The following ALPK3 variants were observed in gnomAD, a reference collection of about 807,000 sequenced individuals.
ALPK3 encodes the protein alpha kinase 3.
Under a neutral mutation model 140.0 loss-of-function variants are expected in ALPK3, and 102 were observed. That is an observed-to-expected ratio of 0.73 (90% CI 0.62 to 0.86). The LOEUF is 0.86. Ranked by LOEUF, ALPK3 falls within the 40% of genes least tolerant of loss-of-function variation. The pLI is 0.00. For synonymous variants in ALPK3, 938 were observed against 898.5 expected (o/e 1.04, Z -0.79); for missense variants, 2,254 against 2,208.2 (o/e 1.02, Z -0.42).
At chr15:84,847,642 AAAAG>A (rs1963747682) in intron 5 of ALPK3, among the ~76,000 whole-genome samples, 1 of 152,220 alleles carries the variant, frequency 6.6e-6, no homozygotes, top group South Asian at 2.1e-4. Flanking sequence ...AATGCTAAAA[AAAAG>A]AACTTTCAAC....
At chr15:84,851,859 T>C (rs1321863395) in intron 5 of ALPK3, among the ~76,000 whole-genome samples, 1 of 152,208 alleles carries the variant, frequency 6.6e-6, no homozygotes, top group Non-Finnish European at 1.5e-5. Flanking sequence ...AAAGTATACC[T>C]GTACGATTAA....
In ALPK3 at chr15:84,860,056, C is replaced by T; in HGVS notation, c.4113C>T (p.Ser1371=). 6.2e-7 allele frequency: 1 copy of T among 1,614,132 alleles called. No individual in the cohort carries two copies. The highest frequency in any genetic ancestry group is 1.1e-5 in the South Asian group (1 of 91,078). Residue 1371 remains serine (S), a synonymous_variant, in exon 9 of 14, where the codon TCC becomes TCT. Coordinates refer to ENST00000258888, the MANE Select transcript of ALPK3 (RefSeq NM_020778.5). The stretch of plus-strand genomic sequence containing the variant: ...ATCTAGTGTTGTCAGGATTCATCTC[C>T]AGAGAAGAAGGTGAAGGTATGGTTC... The part of the protein sequence containing the change: ...LSPEVLSGFI[S]REEGEVGEEI...
chr15:84,866,275 A>G (rs1213802544), intron 12 of ALPK3, among the ~76,000 whole-genome samples: 1 of 152,246 alleles, frequency 6.6e-6, no homozygotes, highest in Non-Finnish European at 1.5e-5. Context: ...CATTAGTCCT[A>G]TGTTTCAGAC....
chr15:84,838,268 TG>T (rs1963617247), intron 3 of ALPK3, among the ~76,000 whole-genome samples: 1 of 152,070 alleles, frequency 6.6e-6, no homozygotes, highest in Admixed American at 6.5e-5. Context: ...ATGATCATGG[TG>T]GGACATAAGG....
intron 3 of ALPK3, among the ~76,000 whole-genome samples, chr15:84,833,807 C>A (rs1334893790): frequency 1.3e-5 from 2 of 152,158 alleles, no homozygotes; most frequent in Admixed American, 6.5e-5. Context: ...TCACAGTAGG[C>A]TTGTGGGAAG....
intron 12 of ALPK3, 112 bp downstream of exon 12, chr15:84,864,777 T>C: frequency 2.6e-6 from 3 of 1,171,948 alleles, no homozygotes; most frequent in Non-Finnish European, 3.6e-6. Flanking sequence ...TTGTCTTTAT[T>C]CTTTTTTGCT....
At chr15:84,828,684 A>C (rs1963514580) in intron 3 of ALPK3, among the ~76,000 whole-genome samples, 1 of 152,214 alleles carries the variant, frequency 6.6e-6, no homozygotes, top group South Asian at 2.1e-4. Context: ...TGTGCATCCC[A>C]TACCTTTGTA....
intron 4 of ALPK3, 111 bp from the exon 5 acceptor site, chr15:84,839,591 T>C: frequency 8.3e-7 from 1 of 1,203,160 alleles, no homozygotes; most frequent in Non-Finnish European, 1.2e-6. Flanking sequence ...ACGGCAGGGC[T>C]TGCTGTAGGG....
At position 84,859,809 on chromosome 15, in the gene ALPK3, C is replaced by T. The variant is rs375271863; in HGVS notation, c.3999C>T (p.Ile1333=). 48 of 1,613,596 alleles carry T rather than the reference C, an allele frequency of 3.0e-5. No individual in the cohort carries two copies. In the South Asian group the frequency reaches 3.6e-4, roughly 12 times the overall value. ...ATGAGGGGCCGGCGGCCTTGGCCAT[C>T]GTGCAGGCCTCCCCCGTAGACTGCG... The part of the protein sequence containing the change: ...AGDEGPAALA[I]VQASPVDCGV... Residue 1333 remains isoleucine (I), a synonymous_variant, in exon 8 of 14, where the codon ATC becomes ATT. Coordinates refer to ENST00000258888, the MANE Select transcript of ALPK3 (RefSeq NM_020778.5).
intron 1 of ALPK3, among the ~76,000 whole-genome samples, chr15:84,821,720 T>G (rs1226349244): frequency 1.3e-5 from 2 of 152,066 alleles, no homozygotes; most frequent in Admixed American, 6.5e-5. Context: ...TTTCCTCCTC[T>G]TTCTTTTTCT....
At position 84,856,750 on chromosome 15, in the gene ALPK3, T is replaced by A; in HGVS notation, c.2012T>A (p.Leu671Gln). 1.2e-6 allele frequency: 2 copies of A among 1,613,580 alleles called. No individual in the cohort carries two copies. Among genetic ancestry groups the A allele is most frequent in the Non-Finnish European group, 1.7e-6 (2 of 1,179,938 alleles). The change falls in exon 6 of 14, where the codon CTA becomes CAA. Residue 671 changes from leucine (L) to glutamine (Q), a missense_variant. Leu to Gln is a moderately radical substitution (Grantham distance 113). Coordinates refer to ENST00000258888, the MANE Select transcript of ALPK3 (RefSeq NM_020778.5). ...ACACAGGGAAGGGCAGAGACACAGC[T>A]AGAAACAACACAGGCAGGTGAGAAG... ...MMTQGRAETQ[L>Q]ETTQAGEKIQ... is the part of the protein sequence containing the mutation.
chr15:84,823,782 C>T (rs1406363673), intron 2 of ALPK3, among the ~76,000 whole-genome samples: 3 of 152,190 alleles, frequency 2.0e-5, no homozygotes, highest in South Asian at 2.1e-4. Flanking sequence ...AGTGCAATGG[C>T]TCCCTGTAGC....
chr15:84,860,129 G>A (rs570826793), intron 9 of ALPK3, 57 bp downstream of exon 9: 1 of 1,594,322 alleles, frequency 6.3e-7, no homozygotes, highest in East Asian at 2.2e-5. Flanking sequence ...CTGCAGGGAG[G>A]ACCCTCTTTA....
chr15:84,859,456 T>C, intron 7 of ALPK3, 66 bp downstream of exon 7: 1 of 1,582,238 alleles, frequency 6.3e-7, no homozygotes, highest in Non-Finnish European at 8.6e-7. Flanking sequence ...TTGGGCACTG[T>C]CCTAGTGCTT....
At chr15:84,825,153 G>C (rs575297518) in intron 2 of ALPK3, among the ~76,000 whole-genome samples, 4 of 152,092 alleles carry the variant, frequency 2.6e-5, no homozygotes, top group African/African-American at 9.7e-5. Context: ...AAAGAATGGT[G>C]AAGTAAAATA....
At position 84,856,569 on chromosome 15, in the gene ALPK3, C is replaced by G; in HGVS notation, c.1831C>G (p.Gln611Glu). The change falls in exon 6 of 14, where the codon CAG (glutamine) becomes GAG (glutamate). Residue 611 changes from glutamine to glutamate, a missense_variant. By Grantham distance (29) the Gln-to-Glu change is conservative. Transcript: ENST00000258888. Reference sequence around the variant, plus strand: ...GAGAACTGGAAGCAAGAAGAATGTGCAGGCAGATGGGAAGATACAAGTGGA... The same window carrying G: ...GAGAACTGGAAGCAAGAAGAATGTGGAGGCAGATGGGAAGATACAAGTGGA... ...NQRTGSKKNVQADGKIQVDGR... is the reference protein window; with the variant it reads ...NQRTGSKKNVEADGKIQVDGR... The G allele has an allele frequency of 6.2e-7, 1 of 1,614,114 alleles. No individual in the cohort carries two copies. The highest frequency in any genetic ancestry group is 8.5e-7 in the Non-Finnish European group (1 of 1,180,014).
rs1963374171 is a variant in ALPK3, at chr15:84,817,515, C to T, written c.63C>T (p.Gly21=). 3.4e-6 allele frequency: 5 copies of T among 1,476,780 alleles called. No individual in the cohort carries two copies. In the East Asian group the frequency reaches 8.9e-5, roughly 26 times the overall value. 91.5% of individuals were successfully genotyped at this position (1,476,780 alleles called of 1,614,324 possible). The change falls in exon 1 of 14, where the codon GGC becomes GGT. Residue 21 remains glycine (G), a synonymous_variant. Coordinates refer to ENST00000258888, the MANE Select transcript of ALPK3 (RefSeq NM_020778.5). ...CGGGTGGGCGGTCGGGGGCGGGGGG[C>T]GACGGTGAGGACGACGGCCCCGTGT... The part of the protein sequence containing the change: ...WGAGGRSGAG[G]DGEDDGPVWI...
intron 5 of ALPK3, among the ~76,000 whole-genome samples, chr15:84,844,098 G>A (rs909717828): frequency 2.0e-5 from 3 of 152,116 alleles, no homozygotes; most frequent in Non-Finnish European, 2.9e-5. Context: ...GCGTGGTGGC[G>A]GATGCCTGTA....
At position 84,864,588 on chromosome 15, in the gene ALPK3, C is replaced by T; in HGVS notation, c.4646C>T (p.Ala1549Val). The change falls in exon 12 of 14, where the codon GCC (alanine) becomes GTC (valine). Residue 1549 changes from alanine (A) to valine (V), a missense_variant. Ala to Val is a moderately conservative substitution (Grantham distance 64). This residue lies in a region of ALPK3 where 2,088 missense variants were observed against 2,022.9 expected (regional missense o/e 1.03). Coordinates refer to ENST00000258888, the MANE Select transcript of ALPK3 (RefSeq NM_020778.5). ...CCGACAGCATCTGGCAGCTCTGAGGCCATGCAGAAATGCCAGACCTTCCAA... is the reference window on the plus strand; with the variant it reads ...CCGACAGCATCTGGCAGCTCTGAGGTCATGCAGAAATGCCAGACCTTCCAA... Reference protein sequence around the residue: ...EAPTASGSSEAMQKCQTFQHW... With the variant: ...EAPTASGSSEVMQKCQTFQHW... The T allele has an allele frequency of 6.2e-7, 1 of 1,614,192 alleles. No individual in the cohort carries two copies. Among genetic ancestry groups the T allele is most frequent in the African/African-American group, 1.3e-5 (1 of 75,044 alleles).
Sources: gnomAD v4.1 joint callset for allele counts (sites outside exome capture counted in the v4.1 genomes callset) on GRCh38, gnomAD v4.1.1 for gene constraint, gnomAD v4.1.1 regional missense constraint, MANE v1.5 for transcripts, NCBI Gene and HGNC (gene_info 2026-07-23, HGNC 2026-07-21) for gene names.